PCDHA8: variants seen among roughly 807,000 people sequenced by gnomAD.
The protein encoded by PCDHA8 is protocadherin alpha 8.
PCDHA8 carries 53 observed loss-of-function variants against 61.8 expected under a neutral mutation model. The observed-to-expected ratio is 0.86, with a 90% confidence interval of 0.69 to 1.08. The LOEUF (loss-of-function observed/expected upper bound fraction) is 1.08. Among genes scored for constraint, PCDHA8 ranks in the 50% least tolerant of loss-of-function variants. PCDHA8 has a pLI of 0.00. For missense variants in PCDHA8, 1,293 were observed against 1,245.0 expected, an observed-to-expected ratio of 1.04 and a Z score of -0.58; for synonymous variants, 618 against 556.6, an observed-to-expected ratio of 1.11 and a Z score of -1.55.
chr5:140,952,852 G>A (rs887887464), intron 1 of PCDHA8, among the ~76,000 whole-genome samples: 2 of 152,068 alleles, frequency 1.3e-5, no homozygotes, highest in Non-Finnish European at 2.9e-5. Context: ...TTGTCTTCTG[G>A]GGAGGCCTCA....
intron 1 of PCDHA8, chr5:140,857,200 C>A: frequency 1.3e-6 from 2 of 1,598,618 alleles, no homozygotes; most frequent in East Asian, 2.2e-5. Flanking sequence ...ACGGACAGGT[C>A]ACCTGCTCTC....
intron 1 of PCDHA8, chr5:140,851,286 C>T (rs956539821): frequency 9.6e-7 from 1 of 1,038,578 alleles, no homozygotes; most frequent in South Asian, 4.4e-5. Context: ...TATAAGAAAC[C>T]CAAGCAAAAA....
chr5:140,884,445 C>G, intron 1 of PCDHA8: 1 of 1,613,802 alleles, frequency 6.2e-7, no homozygotes, highest in Non-Finnish European at 8.5e-7. Flanking sequence ...TGCTCGGCAC[C>G]GCCCACCGAG....
chr5:140,996,141 A>G (rs1238682290), intron 3 of PCDHA8, among the ~76,000 whole-genome samples: 1 of 152,182 alleles, frequency 6.6e-6, no homozygotes, highest in Admixed American at 6.5e-5. Context: ...TTCTCCCATT[A>G]TCTTGCCTTC....
At chr5:140,968,563 T>G in intron 1 of PCDHA8, 1 of 1,614,204 alleles carries the variant, frequency 6.2e-7, no homozygotes, top group South Asian at 1.1e-5. Context: ...GAACTGCCCC[T>G]GCTGGCTACC....
intron 1 of PCDHA8, chr5:140,858,229 G>A (rs1335853818): frequency 6.3e-7 from 1 of 1,596,360 alleles, no homozygotes. Context: ...CGCCCACCGA[G>A]GGCGCATGTG....
chr5:140,886,043 T>C (rs977275136), intron 1 of PCDHA8, among the ~76,000 whole-genome samples: 3 of 152,168 alleles, frequency 2.0e-5, no homozygotes, highest in Admixed American at 6.5e-5. Context: ...TTTTCCCCAA[T>C]AGTAACATCT....
At chr5:140,999,078 T>G (rs1554256609) in intron 3 of PCDHA8, among the ~76,000 whole-genome samples, 2 of 152,208 alleles carry the variant, frequency 1.3e-5, no homozygotes, top group Non-Finnish European at 2.9e-5. Context: ...CTTCACTTCC[T>G]CCTTCAGAGG....
intron 1 of PCDHA8, among the ~76,000 whole-genome samples, chr5:140,920,608 G>A (rs2153558027): frequency 6.6e-6 from 1 of 152,286 alleles, no homozygotes; most frequent in Non-Finnish European, 1.5e-5. Flanking sequence ...CACTTTGGGA[G>A]GCCGAGGCGG....
chr5:140,843,542 T>C lies in PCDHA8; in HGVS notation c.2221T>C (p.Cys741Arg), dbSNP rs2150362325. The part of the protein sequence containing the change: ...GCRAGKPTLV[C>R]SSAVGSWSYS... ...CCGGGCGGGCAAGCCCACTCTGGTG[T>C]GCTCCAGTGCGGTGGGGAGCTGGTC... The change falls in exon 1 of 4, where the codon TGC (cysteine) becomes CGC (arginine). Residue 741 changes from cysteine (C) to arginine (R), a missense_variant. Coordinates refer to ENST00000531613, the MANE Select transcript of PCDHA8 (RefSeq NM_018911.3). 10 of 1,595,778 alleles carry C rather than the reference T, an allele frequency of 6.3e-6. 1 individual carries two copies. Among genetic ancestry groups the C allele is most frequent in the Non-Finnish European group, 8.6e-6 (10 of 1,165,434 alleles).
chr5:140,924,064 G>A (rs1584331926), intron 1 of PCDHA8, among the ~76,000 whole-genome samples: 1 of 152,172 alleles, frequency 6.6e-6, no homozygotes. Context: ...CTTTACAGTT[G>A]TATTTCATCT....
chr5:140,927,886 G>C, intron 1 of PCDHA8: 1 of 1,614,210 alleles, frequency 6.2e-7, no homozygotes, highest in Non-Finnish European at 8.5e-7. Flanking sequence ...GGAGGTGACT[G>C]ACGTGAACGA....
At chr5:140,884,354 G>A (rs2060118274) in intron 1 of PCDHA8, 1 of 1,613,952 alleles carries the variant, frequency 6.2e-7, no homozygotes, top group African/African-American at 1.3e-5. Context: ...GCTGGTGGAT[G>A]TCAATGTTTA....
In PCDHA8 at chr5:140,843,435, G is replaced by A. The variant is rs2150359827; in HGVS notation, c.2114G>A (p.Cys705Tyr). ...AACGTGTACCTGATCATCGCCATCT[G>A]CGCGGTATCCAGCCTGCTGGTGCTC... ...DVNVYLIIAI[C>Y]AVSSLLVLTL... The change falls in exon 1 of 4, where the codon TGC becomes TAC. Residue 705 changes from cysteine (C) to tyrosine (Y), a missense_variant. Cys to Tyr is a radical substitution (Grantham distance 194). Transcript: ENST00000531613. The A allele has an allele frequency of 1.9e-6, 3 of 1,596,130 alleles. No individual in the cohort carries two copies. The highest frequency in any genetic ancestry group is 2.6e-6 in the Non-Finnish European group (3 of 1,165,626).
Position 140,852,435 on chromosome 5 carries a change from G to A in PCDHA8, c.2394+8720G>A, listed in dbSNP as rs2150516888. ...TGGGATTATAGGCACATGCCACCGC[G>A]CCCAGCTAATTTTTGTATTTTTAGT... On this transcript the variant is annotated intron_variant, in intron 1 of 3. Coordinates refer to ENST00000531613, the MANE Select transcript of PCDHA8 (RefSeq NM_018911.3). 3.0e-4 allele frequency: 55 copies of A among 181,308 alleles called. 4 individuals carry two copies. Among genetic ancestry groups the A allele is most frequent in the African/African-American group, 1.1e-3 (44 of 41,148 alleles). 11.2% of individuals were successfully genotyped at this position (181,308 alleles called of 1,614,324 possible).
intron 1 of PCDHA8, chr5:140,850,351 G>A (rs2150480754): frequency 6.3e-7 from 1 of 1,597,916 alleles, no homozygotes; most frequent in Non-Finnish European, 8.6e-7. Flanking sequence ...GCCAGCGCGA[G>A]CATCCCGTTC....
In PCDHA8 at chr5:140,971,075, T is replaced by C. The variant is rs560795307; in HGVS notation, c.2395-7874T>C. 1.4e-4 allele frequency among the ~76,000 whole-genome samples: 22 copies of C among 152,322 alleles called. No homozygotes were observed. The South Asian group carries it at 3.7e-3, about 26-fold the overall frequency. ...CTTTAAATAAGGTTGCTGTAGACAT[T>C]TGCTTAACAAATTCTTGTGAAGCCC... is the stretch of plus-strand genomic sequence containing the variant. On this transcript the variant is annotated intron_variant, in intron 1 of 3. Transcript: ENST00000531613.
intron 1 of PCDHA8, chr5:140,855,987 T>A: frequency 1.4e-6 from 2 of 1,480,818 alleles, no homozygotes; most frequent in Non-Finnish European, 1.8e-6. Flanking sequence ...ACAGAAAATG[T>A]CAGATCGTAT....
chr5:140,885,371 C>T (rs2153409645), intron 1 of PCDHA8, among the ~76,000 whole-genome samples: 1 of 152,182 alleles, frequency 6.6e-6, no homozygotes, highest in East Asian at 1.9e-4. Flanking sequence ...CTGAAAGTAC[C>T]TTTTGGCAGT....
Sources: gnomAD v4.1 joint callset for allele counts (sites outside exome capture counted in the v4.1 genomes callset) on GRCh38, gnomAD v4.1.1 for gene constraint, MANE v1.5 for transcripts, NCBI Gene and HGNC (gene_info 2026-07-23, HGNC 2026-07-21) for gene names.